The following INPP4B variants were observed in gnomAD, a reference collection of about 807,000 sequenced individuals.
INPP4B encodes inositol polyphosphate-4-phosphatase type II B, also known as inositol polyphosphate 4-phosphatase type II.
Under a neutral mutation model 122.5 loss-of-function variants are expected in INPP4B, and 55 were observed. The ratio of observed to expected loss-of-function variants is 0.45; its 90% CI spans 0.36 to 0.56. The LOEUF (loss-of-function observed/expected upper bound fraction) is 0.56, where lower values mean the gene tolerates loss of function less well. Among genes scored for constraint, INPP4B ranks in the 20% least tolerant of loss-of-function variants. INPP4B has a pLI of 0.00. For missense variants in INPP4B, 1,000 were observed against 1,097.7 expected, an observed-to-expected ratio of 0.91 and a Z score of 1.26; for synonymous variants, 403 against 388.7, an observed-to-expected ratio of 1.04 and a Z score of -0.43.
intron 2 of INPP4B, among the ~76,000 whole-genome samples, chr4:142,575,025 G>C (rs1054760211): frequency 6.6e-6 from 1 of 152,022 alleles, no homozygotes; most frequent in Non-Finnish European, 1.5e-5. Flanking sequence ...TGAGAGTCTC[G>C]AGCTATCCAA....
intron 2 of INPP4B, among the ~76,000 whole-genome samples, chr4:142,550,806 T>TA (rs1727811664): frequency 6.6e-6 from 1 of 151,964 alleles, no homozygotes; most frequent in Admixed American, 6.6e-5. Context: ...GGGAGAGAGA[T>TA]ATGCAAATAA....
chr4:142,073,751 T>C (rs2152495450), intron 25 of INPP4B, among the ~76,000 whole-genome samples: 1 of 152,206 alleles, frequency 6.6e-6, no homozygotes, highest in South Asian at 2.1e-4. Flanking sequence ...TCCTTGATTC[T>C]CTTGTCTCAA....
At chr4:142,758,952 C>CAAAAA (rs374234375) in intron 1 of INPP4B, among the ~76,000 whole-genome samples, 1 of 96,836 alleles carries the variant, frequency 1.0e-5, no homozygotes, top group African/African-American at 3.6e-5. Context: ...GACTCAGTCT[C>CAAAAA]AAAAAAAAAA....
intron 1 of INPP4B, among the ~76,000 whole-genome samples, chr4:142,781,923 C>T (rs1774890700): frequency 6.6e-6 from 1 of 152,022 alleles, no homozygotes; most frequent in Non-Finnish European, 1.5e-5. Flanking sequence ...ACTGGTTCAG[C>T]TGAAATGACT....
intron 2 of INPP4B, among the ~76,000 whole-genome samples, chr4:142,490,895 T>A (rs1045464112): frequency 1.3e-5 from 2 of 152,216 alleles, no homozygotes; most frequent in Admixed American, 6.5e-5. Context: ...ATGACAGGAT[T>A]TCCTACTTTT....
In INPP4B at chr4:142,464,359, G is replaced by C. The variant is rs566976413; in HGVS notation, c.-190-1633C>G. Among the ~76,000 whole-genome samples the C allele has an allele frequency of 1.1e-3, 169 of 152,070 alleles. 1 individual carries two copies. Among genetic ancestry groups the C allele is most frequent in the Non-Finnish European group, 6.5e-4 (44 of 67,970 alleles). On this transcript the variant is annotated intron_variant, in intron 2 of 25. Transcript: ENST00000262992. ...GGATTAAAGTTGTTCTTTAACCATTGTACCTCATTTGAAAGAAACATTCCC... is the reference window on the plus strand; with the variant it reads ...GGATTAAAGTTGTTCTTTAACCATTCTACCTCATTTGAAAGAAACATTCCC...
chr4:142,437,801 A>G (rs1810853585), intron 3 of INPP4B, among the ~76,000 whole-genome samples: 1 of 152,190 alleles, frequency 6.6e-6, no homozygotes. Context: ...TTCTGGACAT[A>G]TGCACCCTCC....
intron 2 of INPP4B, among the ~76,000 whole-genome samples, chr4:142,503,471 T>C (rs747628898): frequency 1.2e-4 from 19 of 152,104 alleles, no homozygotes; most frequent in Non-Finnish European, 2.6e-4. Flanking sequence ...ATGAGACATA[T>C]GCTATATGGA....
At chr4:142,145,047 TAA>T (rs1561277916) in intron 18 of INPP4B, among the ~76,000 whole-genome samples, 1 of 152,094 alleles carries the variant, frequency 6.6e-6, no homozygotes, top group Non-Finnish European at 1.5e-5. Flanking sequence ...CCTACTGCCG[TAA>T]AGAGATGTAG....
intron 10 of INPP4B, among the ~76,000 whole-genome samples, chr4:142,270,141 C>T (rs992980794): frequency 2.2e-4 from 34 of 152,124 alleles, no homozygotes; most frequent in African/African-American, 8.0e-4. Flanking sequence ...TGCCATTGTC[C>T]CTCCTCCAGA....
At chr4:142,620,629 C>T (rs1470172578) in intron 2 of INPP4B, among the ~76,000 whole-genome samples, 1 of 151,864 alleles carries the variant, frequency 6.6e-6, no homozygotes, top group East Asian at 1.9e-4. Context: ...GCAGAACCTA[C>T]TTGCACATGT....
At chr4:142,568,049 G>A in intron 2 of INPP4B, among the ~76,000 whole-genome samples, 1 of 152,098 alleles carries the variant, frequency 6.6e-6, no homozygotes, top group Non-Finnish European at 1.5e-5. Context: ...GCTAAACTGG[G>A]AGAGACTGTG....
intron 7 of INPP4B, among the ~76,000 whole-genome samples, chr4:142,336,031 C>A (rs1397124751): frequency 6.6e-6 from 1 of 152,198 alleles, no homozygotes; most frequent in Non-Finnish European, 1.5e-5. Context: ...AGCATGCATT[C>A]CTCCATTCTG....
intron 9 of INPP4B, among the ~76,000 whole-genome samples, chr4:142,302,093 C>T (rs1475666336): frequency 2.0e-5 from 3 of 152,100 alleles, no homozygotes; most frequent in African/African-American, 7.2e-5. Flanking sequence ...GGCAGCAAAC[C>T]AGATCGAGAT....
At chr4:142,497,041 A>C (rs1217585181) in intron 2 of INPP4B, 1 of 152,158 alleles carries the variant, frequency 6.6e-6, no homozygotes, top group Admixed American at 6.6e-5. Flanking sequence ...CATTAGTAGG[A>C]TGATGAGGCT....
intron 15 of INPP4B, among the ~76,000 whole-genome samples, chr4:142,189,403 T>A (rs770787659): frequency 1.3e-5 from 2 of 152,216 alleles, no homozygotes; most frequent in African/African-American, 4.8e-5. Flanking sequence ...TACTTATATA[T>A]ACAAGGTGCT....
chr4:142,784,596 T>C (rs528659943), intron 1 of INPP4B, among the ~76,000 whole-genome samples: 1 of 152,092 alleles, frequency 6.6e-6, no homozygotes, highest in South Asian at 2.1e-4. Flanking sequence ...GATGAATTGC[T>C]GGAGGATACA....
chr4:142,682,669 C>T (rs1462944303), intron 2 of INPP4B, among the ~76,000 whole-genome samples: 1 of 151,844 alleles, frequency 6.6e-6, no homozygotes, highest in Non-Finnish European at 1.5e-5. Context: ...AATATTCTCT[C>T]AGAGTATTAA....
chr4:142,779,401 T>C (rs1325455687), intron 1 of INPP4B, among the ~76,000 whole-genome samples: 2 of 152,108 alleles, frequency 1.3e-5, no homozygotes, highest in Non-Finnish European at 1.5e-5. Context: ...GGAGTTTACA[T>C]GAATTCATAA....
Sources: gnomAD v4.1 joint callset for allele counts (sites outside exome capture counted in the v4.1 genomes callset) on GRCh38, gnomAD v4.1.1 for gene constraint, MANE v1.5 for transcripts, NCBI Gene and HGNC (gene_info 2026-07-23, HGNC 2026-07-21) for gene names.